Variants in FHIT observed in about 807,000 individuals in gnomAD.
The protein encoded by FHIT is fragile histidine triad diadenosine triphosphatase, also known as bis(5'-adenosyl)-triphosphatase.
FHIT carries 19 observed loss-of-function variants against 17.9 expected under a neutral mutation model. That is an observed-to-expected ratio of 1.06 (90% CI 0.74 to 1.56). FHIT has a LOEUF of 1.56. Ranked by LOEUF, FHIT falls within the 40% of genes most tolerant of loss-of-function variation. The pLI is 0.00. For synonymous variants in FHIT, 81 were observed against 69.7 expected (o/e 1.16, Z -0.81); for missense variants, 248 against 189.2 (o/e 1.31, Z -1.82).
intron 2 of FHIT, among the ~76,000 whole-genome samples, chr3:61,057,857 C>T (rs1249351890): frequency 3.3e-5 from 5 of 152,142 alleles, no homozygotes; most frequent in African/African-American, 1.2e-4. Context: ...TCTATGCCAA[C>T]AAATGTAAAC....
intron 5 of FHIT, among the ~76,000 whole-genome samples, chr3:60,215,315 C>A (rs1703649059): frequency 6.6e-6 from 1 of 152,044 alleles, no homozygotes; most frequent in South Asian, 2.1e-4. Context: ...TATGGTGAAA[C>A]TAAAAATACA....
chr3:60,698,355 G>C (rs577001438), intron 4 of FHIT, among the ~76,000 whole-genome samples: 22 of 152,176 alleles, frequency 1.4e-4, no homozygotes, highest in African/African-American at 5.3e-4. Flanking sequence ...ATATAAATCA[G>C]GCTTTTGTCC....
chr3:59,999,638 A>C (rs748321049), intron 7 of FHIT, among the ~76,000 whole-genome samples: 4 of 152,022 alleles, frequency 2.6e-5, no homozygotes, highest in Admixed American at 1.3e-4. Flanking sequence ...TTGGTCACCT[A>C]ATTTTTTTCA....
chr3:60,594,976 T>A (rs555463033), intron 4 of FHIT, among the ~76,000 whole-genome samples: 1 of 152,096 alleles, frequency 6.6e-6, no homozygotes, highest in Non-Finnish European at 1.5e-5. Context: ...TTCCTGGACC[T>A]TTTGTTTCCA....
At chr3:61,073,154 A>G (rs993807508) in intron 2 of FHIT, among the ~76,000 whole-genome samples, 1 of 152,182 alleles carries the variant, frequency 6.6e-6, no homozygotes, top group Non-Finnish European at 1.5e-5. Context: ...GTCTTGAACA[A>G]CTAGCCAGAG....
chr3:60,631,742 C>A (rs892087200), intron 4 of FHIT, among the ~76,000 whole-genome samples: 4 of 152,232 alleles, frequency 2.6e-5, no homozygotes, highest in African/African-American at 9.6e-5. Context: ...TGTCGCACGG[C>A]ATCCCCAGAT....
At chr3:60,348,414 T>C (rs1710906336) in intron 5 of FHIT, among the ~76,000 whole-genome samples, 1 of 151,888 alleles carries the variant, frequency 6.6e-6, no homozygotes. Context: ...TCATAGAGTT[T>C]ATATTAAAAC....
At chr3:60,048,703 T>C (rs1008499366) in intron 5 of FHIT, among the ~76,000 whole-genome samples, 11 of 152,146 alleles carry the variant, frequency 7.2e-5, no homozygotes, top group Non-Finnish European at 1.0e-4. Context: ...TTCAACAAGT[T>C]CTGAGAATGT....
At chr3:60,285,831 AT>A (rs1400667999) in intron 5 of FHIT, among the ~76,000 whole-genome samples, 9 of 152,208 alleles carry the variant, frequency 5.9e-5, no homozygotes, top group African/African-American at 2.2e-4. Flanking sequence ...AATGTAATAC[AT>A]TCATATTACT....
chr3:61,023,488 C>T (rs2032568646), intron 3 of FHIT, among the ~76,000 whole-genome samples: 1 of 152,082 alleles, frequency 6.6e-6, no homozygotes. Context: ...TTAGAAAAAA[C>T]TACTTCAAAC....
chr3:60,892,019 G>A (rs561034849), intron 3 of FHIT, among the ~76,000 whole-genome samples: 66 of 152,228 alleles, frequency 4.3e-4, no homozygotes, highest in Admixed American at 1.5e-3. Context: ...AGGTGATTTG[G>A]TCTTATGGCT....
intron 5 of FHIT, among the ~76,000 whole-genome samples, chr3:60,514,291 G>A (rs1262239212): frequency 6.6e-6 from 1 of 152,238 alleles, no homozygotes; most frequent in Non-Finnish European, 1.5e-5. Flanking sequence ...CTTGGACGCT[G>A]CCATGGGGCA....
intron 1 of FHIT, among the ~76,000 whole-genome samples, chr3:61,211,671 G>T (rs1314647669): frequency 6.6e-6 from 1 of 152,236 alleles, no homozygotes. Context: ...CCAGCACGCA[G>T]CCAGAGATCT....
intron 2 of FHIT, among the ~76,000 whole-genome samples, chr3:61,136,492 G>C (rs769359376): frequency 5.9e-5 from 9 of 152,126 alleles, no homozygotes; most frequent in Non-Finnish European, 8.8e-5. Flanking sequence ...AGAGGAAAAT[G>C]TGGCTATGTT....
At chr3:60,454,666 G>C (rs577226936) in intron 5 of FHIT, among the ~76,000 whole-genome samples, 1 of 152,210 alleles carries the variant, frequency 6.6e-6, no homozygotes, top group South Asian at 2.1e-4. Flanking sequence ...TTATAGGTGT[G>C]AGCCACCACG....
At chr3:60,245,093 C>G (rs1389684228) in intron 5 of FHIT, among the ~76,000 whole-genome samples, 6 of 151,974 alleles carry the variant, frequency 3.9e-5, no homozygotes, top group Admixed American at 1.3e-4. Flanking sequence ...CAGCCTATAT[C>G]AGCAGTCAGA....
chr3:61,183,934 T>C (rs2038423741), intron 2 of FHIT, among the ~76,000 whole-genome samples: 1 of 152,018 alleles, frequency 6.6e-6, no homozygotes, highest in South Asian at 2.1e-4. Context: ...CCTGGGTTGG[T>C]GATGACCACA....
At chr3:60,917,397 C>A (rs1398616973) in intron 3 of FHIT, among the ~76,000 whole-genome samples, 1 of 152,244 alleles carries the variant, frequency 6.6e-6, no homozygotes, top group African/African-American at 2.4e-5. Context: ...CTCTTCTTTA[C>A]ACAGCAGCTG....
At position 60,503,893 on chromosome 3, in the gene FHIT, T is replaced by C. The variant is rs187072152; in HGVS notation, c.103+32967A>G. Reference sequence around the variant, plus strand: ...TCTTTTTACTTCATACTTTTGTGCATGAAAAAAATTAACAGTATTAAATTC... The same window carrying C: ...TCTTTTTACTTCATACTTTTGTGCACGAAAAAAATTAACAGTATTAAATTC... On this transcript the variant is annotated intron_variant, in intron 5 of 9. Coordinates refer to ENST00000492590, the MANE Select transcript of FHIT (RefSeq NM_002012.4). Among the ~76,000 whole-genome samples, 3 of 152,296 alleles carry C rather than the reference T, an allele frequency of 2.0e-5. No individual in the cohort carries two copies. The East Asian group carries it at 5.8e-4, about 29-fold the overall frequency.
Sources: allele counts gnomAD v4.1 joint callset (sites outside exome capture counted in the v4.1 genomes callset), GRCh38; gene constraint gnomAD v4.1.1; transcripts MANE v1.5; gene names NCBI Gene and HGNC (gene_info 2026-07-23, HGNC 2026-07-21).